PRKN: variants seen among roughly 807,000 people sequenced by gnomAD.
PRKN encodes the protein parkin RBR E3 ubiquitin protein ligase.
Under a neutral mutation model 59.5 loss-of-function variants are expected in PRKN, and 56 were observed. The observed-to-expected ratio is 0.94, with a 90% CI of 0.76 to 1.18. The LOEUF (loss-of-function observed/expected upper bound fraction) is 1.18. PRKN is among the 50% of genes most tolerant of loss of function. PRKN has a pLI of 0.00. For missense variants in PRKN, 657 were observed against 596.4 expected, an observed-to-expected ratio of 1.10 and a Z score of -1.06; for synonymous variants, 250 against 222.1, an observed-to-expected ratio of 1.13 and a Z score of -1.12.
chr6:162,681,781 G>C (rs1348564178), intron 1 of PRKN, among the ~76,000 whole-genome samples: 3 of 152,088 alleles, frequency 2.0e-5, no homozygotes, highest in African/African-American at 4.8e-5. Context: ...TGGCCAATGG[G>C]AAACCTCTAG....
intron 9 of PRKN, among the ~76,000 whole-genome samples, chr6:161,411,716 C>T (rs954037188): frequency 6.6e-6 from 1 of 152,032 alleles, no homozygotes; most frequent in East Asian, 1.9e-4. Flanking sequence ...CTCACTCATT[C>T]CTTCCTCACT....
In PRKN at chr6:161,502,598, T is replaced by A. The variant is rs1384228554; in HGVS notation, c.1083+46256A>T. 6.6e-6 allele frequency among the ~76,000 whole-genome samples: 1 copy of A among 152,220 alleles called. No individual in the cohort carries two copies. Among genetic ancestry groups the A allele is most frequent in the South Asian group, 2.1e-4 (1 of 4,818 alleles). On this transcript the variant is annotated intron_variant, in intron 9 of 11. Coordinates refer to ENST00000366898, the MANE Select transcript of PRKN (RefSeq NM_004562.3). The surrounding 1 kb of genome is among the most constrained non-coding windows in gnomAD (Gnocchi z 4.0). ...GGTAGGGATGAGGATAGTAAGAGTA[T>A]CCTGAAGGAGGGGACCAGTAACAAG...
intron 6 of PRKN, among the ~76,000 whole-genome samples, chr6:161,876,077 T>G (rs1349335767): frequency 6.6e-6 from 1 of 152,260 alleles, no homozygotes; most frequent in South Asian, 2.1e-4. Flanking sequence ...TATAAATGGT[T>G]TAATATTTTT....
chr6:162,616,607 G>T (rs1782431789), intron 1 of PRKN, among the ~76,000 whole-genome samples: 1 of 152,040 alleles, frequency 6.6e-6, no homozygotes, highest in African/African-American at 2.4e-5. Context: ...AGGTGAAATG[G>T]TATATAGCCA....
At chr6:161,660,541 G>C (rs1276116369) in intron 7 of PRKN, among the ~76,000 whole-genome samples, 1 of 152,176 alleles carries the variant, frequency 6.6e-6, no homozygotes, top group African/African-American at 2.4e-5. Context: ...TGGCAAGAGA[G>C]ATGATGAGCA....
At chr6:162,693,735 AG>A (rs1777865614) in intron 1 of PRKN, among the ~76,000 whole-genome samples, 1 of 152,230 alleles carries the variant, frequency 6.6e-6, no homozygotes, top group Admixed American at 6.5e-5. Flanking sequence ...GCATAATAAA[AG>A]TTCAATTGAA....
intron 1 of PRKN, among the ~76,000 whole-genome samples, chr6:162,448,604 G>C (rs138840673): frequency 3.0e-3 from 452 of 152,108 alleles, no homozygotes; most frequent in African/African-American, 0.01. Flanking sequence ...CCCTACAAAA[G>C]AGGACATACT....
chr6:162,014,607 G>A (rs1782863739), intron 5 of PRKN, among the ~76,000 whole-genome samples: 1 of 152,172 alleles, frequency 6.6e-6, no homozygotes, highest in African/African-American at 2.4e-5. Context: ...AGGAACGGAA[G>A]CGAGCTGGTG....
intron 6 of PRKN, among the ~76,000 whole-genome samples, chr6:161,844,667 A>T (rs1454740844): frequency 6.6e-6 from 1 of 152,262 alleles, no homozygotes; most frequent in Non-Finnish European, 1.5e-5. Context: ...AGAATAAGGC[A>T]TTCATGCTGC....
intron 2 of PRKN, among the ~76,000 whole-genome samples, chr6:162,351,776 G>T (rs1307885895): frequency 6.6e-6 from 1 of 152,118 alleles, no homozygotes; most frequent in Non-Finnish European, 1.5e-5. Flanking sequence ...CAAAATGATT[G>T]TAATGGATGA....
rs10528135 is a variant in PRKN, at chr6:162,506,251, CAA to C, written c.8-62780_8-62779del. Among the ~76,000 whole-genome samples the C allele has an allele frequency of 1.9e-3, 183 of 95,334 alleles. 1 individual carries two copies. The highest frequency in any genetic ancestry group is 6.9e-3 in the African/African-American group (167 of 24,218). The allele number at this position is 95,334 out of a possible 152,430, so 62.5% of individuals were successfully genotyped here. Reference sequence around the variant, plus strand: ...AACCCTTGGGAAAATAAAGAGGAAGCAAAAAAAAAAAAAAAAAAAAAAGGAAT... The same window carrying C: ...AACCCTTGGGAAAATAAAGAGGAAGCAAAAAAAAAAAAAAAAAAAAGGAAT... On this transcript the variant is annotated intron_variant, in intron 1 of 11. Transcript: ENST00000366898.
At chr6:162,549,981 C>T (rs1279437080) in intron 1 of PRKN, among the ~76,000 whole-genome samples, 1 of 152,114 alleles carries the variant, frequency 6.6e-6, no homozygotes, top group Non-Finnish European at 1.5e-5. Context: ...AAAGAAAAAG[C>T]CACACAGTGG....
chr6:161,650,059 G>A (rs76883628), intron 7 of PRKN, among the ~76,000 whole-genome samples: 3,058 of 152,170 alleles, frequency 0.02, 93 homozygotes, highest in African/African-American at 0.07. Flanking sequence ...CTGTGATGAC[G>A]CCCAGATCAT....
intron 7 of PRKN, among the ~76,000 whole-genome samples, chr6:161,742,221 C>T (rs1788219331): frequency 6.6e-6 from 1 of 152,108 alleles, no homozygotes; most frequent in South Asian, 2.1e-4. Flanking sequence ...TCACCCATCT[C>T]AGCCTCCCAA....
chr6:162,116,556 C>CGA (rs1179629034), intron 4 of PRKN, among the ~76,000 whole-genome samples: 18 of 152,294 alleles, frequency 1.2e-4, no homozygotes, highest in Admixed American at 1.1e-3. Flanking sequence ...TCTTAAGGGA[C>CGA]GAGAGCACGT....
chr6:161,765,241 G>C (rs1399495146), intron 7 of PRKN, among the ~76,000 whole-genome samples: 1 of 152,146 alleles, frequency 6.6e-6, no homozygotes, highest in African/African-American at 2.4e-5. Flanking sequence ...ACCCGTGCCA[G>C]TCCCTTATTT....
chr6:161,869,643 C>T (rs911126945), intron 6 of PRKN, among the ~76,000 whole-genome samples: 2 of 152,182 alleles, frequency 1.3e-5, no homozygotes, highest in Non-Finnish European at 2.9e-5. Flanking sequence ...ATTTCTTCCA[C>T]TCACAACACA....
intron 2 of PRKN, among the ~76,000 whole-genome samples, chr6:162,379,152 T>A (rs1477888204): frequency 6.6e-6 from 1 of 152,168 alleles, no homozygotes; most frequent in Non-Finnish European, 1.5e-5. Context: ...CTAAACTATA[T>A]TTGGCCTAAA....
At chr6:162,325,803 GTT>G (rs1292584955) in intron 2 of PRKN, among the ~76,000 whole-genome samples, 2 of 152,130 alleles carry the variant, frequency 1.3e-5, no homozygotes, top group Non-Finnish European at 2.9e-5. Flanking sequence ...CTTTGTAACA[GTT>G]TAAAATATTA....
Sources: gnomAD v4.1 joint callset for allele counts (sites outside exome capture counted in the v4.1 genomes callset) on GRCh38, gnomAD v4.1.1 for gene constraint, Gnocchi (gnomAD v3.1) non-coding constraint, MANE v1.5 for transcripts, NCBI Gene and HGNC (gene_info 2026-07-23, HGNC 2026-07-21) for gene names.